Variants in STRBP observed in about 807,000 individuals in gnomAD.
STRBP encodes spermatid perinuclear RNA binding protein.
In STRBP, 13 loss-of-function variants were observed where a neutral mutation model predicts 80.1. The ratio of observed to expected loss-of-function variants is 0.16; its 90% CI spans 0.11 to 0.26. The LOEUF is 0.26. STRBP is among the 10% of genes least tolerant of loss of function. The pLI is 1.00. For synonymous variants in STRBP, 284 were observed against 291.2 expected, an observed-to-expected ratio of 0.98 and a Z score of 0.25; for missense variants, 485 against 815.2, an observed-to-expected ratio of 0.59 and a Z score of 4.93.
chr9:123,214,983 G>C (rs2039846207), intron 2 of STRBP, among the ~76,000 whole-genome samples: 1 of 152,060 alleles, frequency 6.6e-6, no homozygotes, highest in Admixed American at 6.6e-5. Context: ...TATGGATAGT[G>C]AGTCCACTGT....
chr9:123,151,082 A>G (rs2037039513), intron 11 of STRBP, among the ~76,000 whole-genome samples: 1 of 152,228 alleles, frequency 6.6e-6, no homozygotes, highest in Non-Finnish European at 1.5e-5. Flanking sequence ...AGATATCATG[A>G]TCAAAAATCA....
chr9:123,188,457 C>T (rs763946915), intron 2 of STRBP, among the ~76,000 whole-genome samples: 135 of 152,154 alleles, frequency 8.9e-4, no homozygotes, highest in Non-Finnish European at 1.2e-3. Flanking sequence ...CTGGCTAACA[C>T]GGTGAAACCT....
chr9:123,116,425 G>A (rs1564204975), intron 2 of STRBP, among the ~76,000 whole-genome samples: 1 of 152,154 alleles, frequency 6.6e-6, no homozygotes, highest in African/African-American at 2.4e-5. Context: ...ATGGTCTGTA[G>A]AAATTAACCC....
chr9:123,132,486 C>A (rs1373182226), intron 17 of STRBP, among the ~76,000 whole-genome samples: 5 of 152,036 alleles, frequency 3.3e-5, no homozygotes, highest in Admixed American at 3.3e-4. Context: ...AATTAAGTAA[C>A]CTCTTAGCAG....
At chr9:123,138,114 T>C (rs1314191680) in intron 14 of STRBP, among the ~76,000 whole-genome samples, 1 of 152,196 alleles carries the variant, frequency 6.6e-6, no homozygotes, top group African/African-American at 2.4e-5. Flanking sequence ...TTCCCACCAT[T>C]ACTACAATAT....
At chr9:123,268,025 C>A (rs2041313567) in intron 1 of STRBP, among the ~76,000 whole-genome samples, 1 of 151,672 alleles carries the variant, frequency 6.6e-6, no homozygotes, top group African/African-American at 2.4e-5. Context: ...CGCCTGCCCC[C>A]CGAAGCCTCT....
At chr9:123,173,065 C>CT (rs1245818721) in intron 5 of STRBP, among the ~76,000 whole-genome samples, 3 of 152,116 alleles carry the variant, frequency 2.0e-5, no homozygotes, top group Non-Finnish European at 4.4e-5. Context: ...AGGGCAGGTC[C>CT]TAGAATGACC....
At chr9:123,222,306 T>C (rs1158959688) in intron 2 of STRBP, among the ~76,000 whole-genome samples, 1 of 152,052 alleles carries the variant, frequency 6.6e-6, no homozygotes, top group Non-Finnish European at 1.5e-5. Context: ...CTTTCACAGC[T>C]CCCTTGCTTT....
intron 18 of STRBP, among the ~76,000 whole-genome samples, chr9:123,127,193 C>T (rs558413407): frequency 2.6e-5 from 4 of 152,278 alleles, no homozygotes; most frequent in East Asian, 1.9e-4. Flanking sequence ...TCCACAGTTA[C>T]GAAATCAGAT....
At chr9:123,255,926 T>C (rs1353986806) in intron 1 of STRBP, among the ~76,000 whole-genome samples, 2 of 151,564 alleles carry the variant, frequency 1.3e-5, no homozygotes, top group Non-Finnish European at 2.9e-5. Context: ...GCCAATCAAG[T>C]AGGCTTGAAA....
At chr9:123,152,033 T>G (rs1019871067) in intron 11 of STRBP, among the ~76,000 whole-genome samples, 6 of 152,184 alleles carry the variant, frequency 3.9e-5, no homozygotes, top group Non-Finnish European at 5.9e-5. Context: ...TAAATTACTT[T>G]ATTCTAAAAT....
chr9:123,181,436 G>A (rs1255194673), intron 3 of STRBP, among the ~76,000 whole-genome samples: 1 of 152,154 alleles, frequency 6.6e-6, no homozygotes, highest in Non-Finnish European at 1.5e-5. Flanking sequence ...AATACAGACT[G>A]CCAATGTTAA....
At chr9:123,164,131 C>T (rs1027421890) in intron 6 of STRBP, among the ~76,000 whole-genome samples, 3 of 152,248 alleles carry the variant, frequency 2.0e-5, no homozygotes, top group Admixed American at 1.3e-4. Flanking sequence ...CTGCAACCTC[C>T]GCCTCCCGGG....
At chr9:123,140,926 T>C (rs926779463) in intron 13 of STRBP, among the ~76,000 whole-genome samples, 2 of 152,260 alleles carry the variant, frequency 1.3e-5, no homozygotes, top group African/African-American at 4.8e-5. Flanking sequence ...CAAGAGAATA[T>C]GTTCACTTTT....
intron 1 of STRBP, among the ~76,000 whole-genome samples, chr9:123,245,360 AAGCATCTGTATTTCT>A (rs1170724635): frequency 1.3e-5 from 2 of 152,148 alleles, no homozygotes; most frequent in Non-Finnish European, 2.9e-5. Flanking sequence ...GGTGAAATCC[AAGCATCTGTATTTCT>A]TTTTTTTGTT....
chr9:123,244,997 G>T (rs1444660745), intron 1 of STRBP, among the ~76,000 whole-genome samples: 1 of 152,172 alleles, frequency 6.6e-6, no homozygotes, highest in African/African-American at 2.4e-5. Flanking sequence ...ACTGACACAT[G>T]CAACAACTTG....
chr9:123,128,936 TA>T (rs2036012633), intron 17 of STRBP, among the ~76,000 whole-genome samples: 1 of 152,192 alleles, frequency 6.6e-6, no homozygotes, highest in Non-Finnish European at 1.5e-5. Flanking sequence ...CATTATTAAG[TA>T]AAAGCAAGTA....
At position 123,123,859 on chromosome 9, in the gene STRBP, G is replaced by A. The variant is rs1351733731; in HGVS notation, c.*1738C>T. The stretch of plus-strand genomic sequence containing the variant: ...CAGTGATGGCTCTGTTTCATCCATA[G>A]GTCAGCAAAACGCATCAATGAAACA... On this transcript the variant is annotated 3_prime_UTR_variant, in exon 19 of 19. Transcript: ENST00000348403. 1 of 985,226 alleles carries A rather than the reference G, an allele frequency of 1.0e-6. No homozygotes were observed. The highest frequency in any genetic ancestry group is 1.7e-5 in the African/African-American group (1 of 57,202). The allele number at this position is 985,226 out of a possible 1,614,324, so 61.0% of individuals were successfully genotyped here. A position where few individuals can be genotyped will look rare whatever the true frequency, so the allele number is the denominator to read the frequency against.
chr9:123,142,619 A>T lies in STRBP; in HGVS notation c.1339-2932T>A, dbSNP rs192974530. Among the ~76,000 whole-genome samples, 21 of 152,198 alleles carry T rather than the reference A, an allele frequency of 1.4e-4. 1 individual carries two copies. The highest frequency in any genetic ancestry group is 1.2e-3 in the Admixed American group (19 of 15,278). On this transcript the variant is annotated intron_variant, in intron 13 of 18. Coordinates refer to ENST00000348403, the MANE Select transcript of STRBP (RefSeq NM_018387.5). ...TGATGTTTCCTCTTAGTAATTTTCCATCCACTGATCCATCCCTGTTCCTTG... is the reference window on the plus strand; with the variant it reads ...TGATGTTTCCTCTTAGTAATTTTCCTTCCACTGATCCATCCCTGTTCCTTG...
Sources: allele counts gnomAD v4.1 joint callset (sites outside exome capture counted in the v4.1 genomes callset), GRCh38; gene constraint gnomAD v4.1.1; transcripts MANE v1.5; gene names NCBI Gene and HGNC (gene_info 2026-07-23, HGNC 2026-07-21).